Variants in WWTR1 observed in about 807,000 individuals in gnomAD.
WWTR1 encodes WW domain-containing transcription regulator protein 1.
Under a neutral mutation model 40.1 loss-of-function variants are expected in WWTR1, and 13 were observed. That is an observed-to-expected ratio of 0.32 (90% CI 0.21 to 0.52). WWTR1 has a LOEUF of 0.52. WWTR1 is among the 20% of genes least tolerant of loss of function. The pLI is 0.97. For missense variants in WWTR1, 436 were observed against 523.1 expected, an observed-to-expected ratio of 0.83 and a Z score of 1.63; for synonymous variants, 230 against 210.1, an observed-to-expected ratio of 1.09 and a Z score of -0.82.
intron 2 of WWTR1, among the ~76,000 whole-genome samples, chr3:149,600,632 A>C (rs1739200682): frequency 6.6e-6 from 1 of 152,254 alleles, no homozygotes; most frequent in East Asian, 1.9e-4. Context: ...TCCTCAAGGC[A>C]ATAGCCACCC....
chr3:149,571,214 C>CT lies in WWTR1; in HGVS notation c.568+1649dup, dbSNP rs10535515. ...AAGTGTTTGAATTTTTTTTTCTTTT[C>CT]TTTTTTTTTTTTTTTTTTTTTTGTA... On this transcript the variant is annotated intron_variant, in intron 3 of 6. Transcript: ENST00000360632. Among the ~76,000 whole-genome samples, 564 of 101,214 alleles carry CT rather than the reference C, an allele frequency of 5.6e-3. 6 individuals are homozygous for CT. Among genetic ancestry groups the CT allele is most frequent in the African/African-American group, 0.016 (402 of 25,574 alleles). 66.4% of individuals were successfully genotyped at this position (101,214 alleles called of 152,430 possible). A position where few individuals can be genotyped will look rare whatever the true frequency, so the allele number is the denominator to read the frequency against.
At chr3:149,646,522 A>C (rs192590239) in intron 2 of WWTR1, among the ~76,000 whole-genome samples, 1 of 152,382 alleles carries the variant, frequency 6.6e-6, no homozygotes, top group Admixed American at 6.5e-5. Context: ...CACTGGCATC[A>C]GTCCATGGAC....
intron 1 of WWTR1, among the ~76,000 whole-genome samples, chr3:149,692,508 G>A (rs985446182): frequency 7.9e-5 from 12 of 152,064 alleles, no homozygotes; most frequent in African/African-American, 2.4e-4. Context: ...ACCTCAACAC[G>A]ATAAAAGCCA....
intron 3 of WWTR1, among the ~76,000 whole-genome samples, chr3:149,570,282 G>A (rs1374280281): frequency 2.6e-5 from 4 of 152,134 alleles, no homozygotes; most frequent in Non-Finnish European, 5.9e-5. Flanking sequence ...TAGAAATCTG[G>A]AAACTGCTGG....
intron 1 of WWTR1, among the ~76,000 whole-genome samples, chr3:149,670,390 TACCGC>T (rs2108189954): frequency 6.6e-6 from 1 of 152,278 alleles, no homozygotes; most frequent in Admixed American, 6.5e-5. Flanking sequence ...CCACAGCCCC[TACCGC>T]TGTAGTTGGT....
chr3:149,529,718 G>A (rs976444310), intron 4 of WWTR1, among the ~76,000 whole-genome samples: 32 of 152,124 alleles, frequency 2.1e-4, no homozygotes, highest in African/African-American at 7.7e-4. Flanking sequence ...TTTCCTGAAA[G>A]CCTCAGAAGG....
At chr3:149,538,907 CCTGT>C (rs1027682050) in intron 4 of WWTR1, among the ~76,000 whole-genome samples, 15 of 152,110 alleles carry the variant, frequency 9.9e-5, no homozygotes, top group Non-Finnish European at 1.9e-4. Flanking sequence ...ATCCCATTTA[CCTGT>C]CTGTTATTTT....
chr3:149,603,015 C>A (rs1213685706), intron 2 of WWTR1, among the ~76,000 whole-genome samples: 1 of 151,538 alleles, frequency 6.6e-6, no homozygotes, highest in Admixed American at 6.6e-5. Context: ...AATAAATAAC[C>A]AGGCTTCTTT....
intron 2 of WWTR1, among the ~76,000 whole-genome samples, chr3:149,606,646 G>T (rs1456570512): frequency 6.6e-6 from 1 of 152,122 alleles, no homozygotes; most frequent in African/African-American, 2.4e-5. Context: ...AGAATAGAGT[G>T]ATGGGCAATA....
intron 2 of WWTR1, among the ~76,000 whole-genome samples, chr3:149,650,964 G>A (rs935945101): frequency 7.2e-5 from 11 of 152,170 alleles, no homozygotes; most frequent in Non-Finnish European, 1.5e-4. Flanking sequence ...GATTTTGGCT[G>A]GGTAAATAGG....
At chr3:149,639,049 G>C (rs1712003128) in intron 2 of WWTR1, among the ~76,000 whole-genome samples, 1 of 152,124 alleles carries the variant, frequency 6.6e-6, no homozygotes, top group Non-Finnish European at 1.5e-5. Context: ...ACTAAACAAT[G>C]CCACTTAAAG....
chr3:149,651,347 C>T (rs891569810), intron 2 of WWTR1, among the ~76,000 whole-genome samples: 6 of 152,136 alleles, frequency 3.9e-5, no homozygotes, highest in South Asian at 2.1e-4. Context: ...TAGGAAGACA[C>T]GGGAAAAGGA....
At chr3:149,554,186 C>G (rs1436189910) in intron 3 of WWTR1, among the ~76,000 whole-genome samples, 2 of 152,112 alleles carry the variant, frequency 1.3e-5, no homozygotes, top group South Asian at 2.1e-4. Flanking sequence ...AGAATAACTG[C>G]AAGGAAATTT....
chr3:149,527,419 T>G (rs1436568213), intron 5 of WWTR1, among the ~76,000 whole-genome samples: 1 of 152,104 alleles, frequency 6.6e-6, no homozygotes, highest in African/African-American at 2.4e-5. Context: ...AGTGCTGGGA[T>G]TATAGGCATG....
rs1328778176 is a variant in WWTR1, at chr3:149,573,012, A to G, written c.432-12T>C. The G allele has an allele frequency of 2.5e-6, 4 of 1,581,696 alleles. No homozygotes were observed. The African/African-American group carries it at 5.5e-5, about 22-fold the overall frequency. ...TTTTTTCTATGTGACTAAAAGAAGG[A>G]AAACAATTAATTATCTTTTTAATTG... On this transcript the variant is annotated splice_polypyrimidine_tract_variant and intron_variant, in intron 2 of 6. Coordinates refer to ENST00000360632, the MANE Select transcript of WWTR1 (RefSeq NM_015472.6).
At chr3:149,559,293 C>CAAAAAAA (rs57470539) in intron 3 of WWTR1, among the ~76,000 whole-genome samples, 22 of 58,056 alleles carry the variant, frequency 3.8e-4, no homozygotes, top group African/African-American at 6.6e-4. Context: ...GACTCCATCT[C>CAAAAAAA]AAAAAAAAAA....
intron 4 of WWTR1, among the ~76,000 whole-genome samples, chr3:149,718,350 A>T (rs976019469): frequency 4.0e-5 from 6 of 151,466 alleles, no homozygotes; most frequent in African/African-American, 1.2e-4. Flanking sequence ...CCAACCACTC[A>T]TTCAGCCACA....
At chr3:149,531,102 T>C (rs751501449) in intron 4 of WWTR1, among the ~76,000 whole-genome samples, 4 of 152,100 alleles carry the variant, frequency 2.6e-5, no homozygotes, top group Non-Finnish European at 5.9e-5. Flanking sequence ...GCCCAGCTAA[T>C]TTTTGTATTT....
Position 149,680,772 on chromosome 3 carries a change from T to A in WWTR1, c.-107-10881A>T, listed in dbSNP as rs146547246. Reference sequence around the variant, plus strand: ...TAGGAGGATTGCTTGAGCCCAGGAGTTTGGGGCTGCAGTGAGCTATGACCA... The same window carrying A: ...TAGGAGGATTGCTTGAGCCCAGGAGATTGGGGCTGCAGTGAGCTATGACCA... On this transcript the variant is annotated intron_variant, in intron 1 of 7. Coordinates refer to the WWTR1 transcript ENST00000465804. Among the ~76,000 whole-genome samples, 57 of 151,540 alleles carry A rather than the reference T, an allele frequency of 3.8e-4. No homozygotes were observed. In the East Asian group the frequency reaches 7.9e-3, roughly 21 times the overall value.
Sources: allele counts gnomAD v4.1 joint callset (sites outside exome capture counted in the v4.1 genomes callset), GRCh38; gene constraint gnomAD v4.1.1; transcripts MANE v1.5; gene names NCBI Gene and HGNC (gene_info 2026-07-23, HGNC 2026-07-21).